PNLIP: variants seen among roughly 807,000 people sequenced by gnomAD.
The protein encoded by PNLIP is pancreatic triacylglycerol lipase.
In PNLIP, 49 loss-of-function variants were observed where a neutral mutation model predicts 57.1. That is an observed-to-expected ratio of 0.86 (90% confidence interval 0.68 to 1.09). The LOEUF (loss-of-function observed/expected upper bound fraction) is 1.09. Ranked by LOEUF, PNLIP falls within the 50% of genes least tolerant of loss-of-function variation. PNLIP has a pLI of 0.00. For synonymous variants in PNLIP, 209 were observed against 200.4 expected (o/e 1.04, Z -0.36); for missense variants, 503 against 570.2 (o/e 0.88, Z 1.20).
At chr10:116,555,911 G>C in intron 8 of PNLIP, 89 bp from the exon 9 acceptor site, 2 of 787,946 alleles carry the variant, frequency 2.5e-6, no homozygotes, top group African/African-American at 3.4e-5. Flanking sequence ...ACTAATTAGA[G>C]AAATCTATTC....
intron 10 of PNLIP, among the ~76,000 whole-genome samples, chr10:116,560,191 A>G (rs573407016): frequency 6.6e-5 from 10 of 152,044 alleles, no homozygotes; most frequent in African/African-American, 2.4e-4. Flanking sequence ...CTTAACTTTG[A>G]AAAAATTCTG....
At position 116,559,290 on chromosome 10, in the gene PNLIP, TTC is replaced by T. The variant is rs763478573; in HGVS notation, c.1060+9_1060+10del. On this transcript the variant is annotated splice_region_variant and intron_variant, in intron 10 of 12. Transcript: ENST00000369221. ...GATGCCAGTAATTTTGCACGTAAGT[TTC>T]TGTTTTCTGTATCTTATATTCTTAT... The T allele has an allele frequency of 1.1e-5, 17 of 1,593,716 alleles. No homozygotes were observed. Among genetic ancestry groups the T allele is most frequent in the Non-Finnish European group, 1.4e-5 (16 of 1,163,094 alleles).
At chr10:116,561,392 CACTT>C in intron 11 of PNLIP, 76 bp from the exon 12 acceptor site, 1 of 1,013,310 alleles carries the variant, frequency 9.9e-7, no homozygotes, top group Non-Finnish European at 1.5e-6. Context: ...TATATGTACA[CACTT>C]ACATACACAC....
In PNLIP at chr10:116,548,439, T is replaced by G. The variant is rs747234244; in HGVS notation, c.281T>G (p.Phe94Cys). 6.2e-7 allele frequency: 1 copy of G among 1,614,032 alleles called. No individual in the cohort carries two copies. The highest frequency in any genetic ancestry group is 8.5e-7 in the Non-Finnish European group (1 of 1,179,902). The part of the protein sequence containing the change: ...NRKTRFIIHG[F>C]IDKGEENWLA... ...AAAACTCGCTTTATTATTCATGGAT[T>G]CATAGACAAGGGAGAAGAAAACTGG... Residue 94 changes from phenylalanine (F) to cysteine (C), a missense_variant, in exon 4 of 13, where the codon TTC (phenylalanine) becomes TGC (cysteine). Transcript: ENST00000369221.
chr10:116,567,457 G>A (rs1371834790), intron 12 of PNLIP, among the ~76,000 whole-genome samples: 1 of 152,216 alleles, frequency 6.6e-6, no homozygotes, highest in Admixed American at 6.5e-5. Context: ...CATGGGCTAA[G>A]TGTTCAGTGA....
intron 12 of PNLIP, among the ~76,000 whole-genome samples, chr10:116,563,150 C>T (rs2133208675): frequency 6.6e-6 from 1 of 152,230 alleles, no homozygotes; most frequent in East Asian, 1.9e-4. Flanking sequence ...CTTAAAAGGT[C>T]AGTAAAGGCA....
chr10:116,551,525 G>A (rs761759543), intron 5 of PNLIP, among the ~76,000 whole-genome samples: 1 of 152,114 alleles, frequency 6.6e-6, no homozygotes, highest in Non-Finnish European at 1.5e-5. Flanking sequence ...TATTACCAAT[G>A]TCAACCTTAA....
At chr10:116,555,895 G>C in intron 8 of PNLIP, 105 bp from the exon 9 acceptor site, 2 of 730,136 alleles carry the variant, frequency 2.7e-6, no homozygotes, top group South Asian at 1.7e-5. Context: ...ACCTGCATGA[G>C]CTCACACTAA....
chr10:116,557,197 A>C (rs1295216181), intron 9 of PNLIP, among the ~76,000 whole-genome samples: 1 of 152,154 alleles, frequency 6.6e-6, no homozygotes, highest in Non-Finnish European at 1.5e-5. Context: ...ATACCCAACA[A>C]TAAGTAATGG....
At chr10:116,562,221 G>A (rs74158487) in intron 12 of PNLIP, among the ~76,000 whole-genome samples, 1,863 of 152,280 alleles carry the variant, frequency 0.012, 38 homozygotes, top group African/African-American at 0.042. Context: ...TCTGAGGCAA[G>A]CACTGTGCTT....
Position 116,564,317 on chromosome 10 carries a change from G to A in PNLIP, c.1334+2681G>A, listed in dbSNP as rs975600428. ...GTCAGAGAAAAACCACACATTAGAA[G>A]AGTAAAGAAAAAAATAACAGCAAAT... On this transcript the variant is annotated intron_variant, in intron 12 of 12. Coordinates refer to ENST00000369221, the MANE Select transcript of PNLIP (RefSeq NM_000936.4). 3.9e-5 allele frequency among the ~76,000 whole-genome samples: 6 copies of A among 152,068 alleles called. No homozygotes were observed. The South Asian group carries it at 1.0e-3, about 26-fold the overall frequency.
At chr10:116,563,367 C>G (rs572458289) in intron 12 of PNLIP, among the ~76,000 whole-genome samples, 1 of 152,116 alleles carries the variant, frequency 6.6e-6, no homozygotes, top group South Asian at 2.1e-4. Context: ...AATTTCAGAG[C>G]ATTTTGGATT....
chr10:116,557,112 C>A (rs1361039800), intron 9 of PNLIP, among the ~76,000 whole-genome samples: 1 of 152,162 alleles, frequency 6.6e-6, no homozygotes, highest in Non-Finnish European at 1.5e-5. Context: ...ATTATTCACA[C>A]TACAGCTTCC....
At chr10:116,562,596 G>T (rs1481921312) in intron 12 of PNLIP, among the ~76,000 whole-genome samples, 1 of 152,188 alleles carries the variant, frequency 6.6e-6, no homozygotes, top group African/African-American at 2.4e-5. Context: ...ATACCAGAGA[G>T]GAGAGAGTTG....
At position 116,556,857 on chromosome 10, in the gene PNLIP, A is replaced by G. The variant is rs542950129; in HGVS notation, c.930+739A>G. Among the ~76,000 whole-genome samples, 3 of 152,302 alleles carry G rather than the reference A, an allele frequency of 2.0e-5. No individual in the cohort carries two copies. In the South Asian group the frequency reaches 6.2e-4, roughly 32 times the overall value. On this transcript the variant is annotated intron_variant, in intron 9 of 12. Coordinates refer to ENST00000369221, the MANE Select transcript of PNLIP (RefSeq NM_000936.4). ...CCAGCTGAAGTCACAATTACCCAGG[A>G]TATATACCTTAGTGATTAAGAGAGA...
chr10:116,565,042 T>A (rs1847349913), intron 12 of PNLIP, among the ~76,000 whole-genome samples: 1 of 151,782 alleles, frequency 6.6e-6, no homozygotes, highest in African/African-American at 2.4e-5. Context: ...GGGTGGATCA[T>A]GAGGTCAGAT....
rs1333980813 is a variant in PNLIP, at chr10:116,553,783, C to T, written c.516C>T (p.Ala172=). The change falls in exon 6 of 13, where the codon GCC becomes GCT. Residue 172 remains alanine (A), a synonymous_variant. Coordinates refer to ENST00000369221, the MANE Select transcript of PNLIP (RefSeq NM_000936.4). ...NVHVIGHSLG[A]HAAGEAGRRT... is the part of the protein sequence containing the mutation. ...ATGTCATTGGCCACAGCCTGGGTGC[C>T]CACGCTGCTGGGGAGGCTGGAAGGA... The T allele has an allele frequency of 2.5e-6, 4 of 1,613,296 alleles. No homozygotes were observed. Among genetic ancestry groups the T allele is most frequent in the African/African-American group, 1.3e-5 (1 of 74,830 alleles).
chr10:116,557,062 T>G, intron 9 of PNLIP, among the ~76,000 whole-genome samples: 1 of 152,210 alleles, frequency 6.6e-6, no homozygotes, highest in East Asian at 1.9e-4. Context: ...TATAATAGCA[T>G]TCAATTAATG....
chr10:116,547,509 G>A (rs1756543286), intron 3 of PNLIP, 61 bp downstream of exon 3: 35 of 1,368,338 alleles, frequency 2.6e-5, no homozygotes, highest in East Asian at 1.2e-4. Flanking sequence ...GGCGGTTCAC[G>A]AGGTCAGGAG....
Sources: allele counts gnomAD v4.1 joint callset (sites outside exome capture counted in the v4.1 genomes callset), GRCh38; gene constraint gnomAD v4.1.1; transcripts MANE v1.5; gene names NCBI Gene and HGNC (gene_info 2026-07-23, HGNC 2026-07-21).